The following CPB2 variants were observed in gnomAD, a reference collection of about 807,000 sequenced individuals.
The protein encoded by CPB2 is carboxypeptidase B-like protein.
In CPB2, 54 loss-of-function variants were observed where a neutral mutation model predicts 57.0. The observed-to-expected ratio is 0.95, with a 90% CI of 0.76 to 1.19. The LOEUF is 1.19. CPB2 is among the 50% of genes most tolerant of loss of function. The probability of loss-of-function intolerance (pLI) is 0.00; values close to 1 mark genes in which losing one functional copy is unlikely to be tolerated. For synonymous variants in CPB2, 189 were observed against 178.1 expected (o/e 1.06, Z -0.49); for missense variants, 426 against 512.0 (o/e 0.83, Z 1.62).
chr13:46,089,151 T>TTC (rs1057443701), intron 1 of CPB2, among the ~76,000 whole-genome samples: 20 of 69,580 alleles, frequency 2.9e-4, no homozygotes, highest in African/African-American at 8.2e-4. Flanking sequence ...AATAGACTTC[T>TTC]TTTTTTTTCT....
chr13:46,092,728 C>T (rs1473323801), intron 1 of CPB2, among the ~76,000 whole-genome samples: 1 of 152,006 alleles, frequency 6.6e-6, no homozygotes, highest in Non-Finnish European at 1.5e-5. Flanking sequence ...GTGTTTAAAG[C>T]AAGAGAAGAA....
intron 8 of CPB2, among the ~76,000 whole-genome samples, chr13:46,058,700 A>G (rs1312187617): frequency 6.6e-6 from 1 of 152,004 alleles, no homozygotes; most frequent in East Asian, 1.9e-4. Flanking sequence ...AATAAACCCC[A>G]CTTTCCTTAA....
At chr13:46,076,228 G>A (rs17844220) in intron 5 of CPB2, among the ~76,000 whole-genome samples, 226 of 152,174 alleles carry the variant, frequency 1.5e-3, no homozygotes, top group African/African-American at 5.2e-3. Context: ...TAGATGACAC[G>A]ATCTTATATT....
chr13:46,082,780 C>T (rs2897028), intron 3 of CPB2, among the ~76,000 whole-genome samples: 119,833 of 152,112 alleles, frequency 0.79, 47,548 homozygotes, highest in African/African-American at 0.88. Context: ...ATTAGGTATA[C>T]TTTCAGGACC....
intron 2 of CPB2, among the ~76,000 whole-genome samples, chr13:46,084,937 G>A (rs2045178676): frequency 6.6e-6 from 1 of 151,288 alleles, no homozygotes; most frequent in African/African-American, 2.4e-5. Context: ...TGCAAGCTCT[G>A]CCTCCCGAGT....
At chr13:46,081,292 T>C (rs1232936252) in intron 4 of CPB2, among the ~76,000 whole-genome samples, 2 of 152,214 alleles carry the variant, frequency 1.3e-5, no homozygotes, top group East Asian at 3.8e-4. Flanking sequence ...TTTTAACAAA[T>C]ATTTAAAAAT....
chr13:46,079,862 T>G lies in CPB2; in HGVS notation c.385-961A>C, dbSNP rs1593902118. 2.0e-5 allele frequency among the ~76,000 whole-genome samples: 3 copies of G among 152,232 alleles called. No homozygotes were observed. The East Asian group carries it at 5.8e-4, about 29-fold the overall frequency. ...AACCAGCATGAGTGGTAGGTGTGAG[T>G]GGTTGTCCCCATGCTGAGAATTAAG... On this transcript the variant is annotated intron_variant, in intron 4 of 10. Transcript: ENST00000181383.
intron 1 of CPB2, among the ~76,000 whole-genome samples, chr13:46,092,808 C>A (rs1340908324): frequency 6.6e-6 from 1 of 152,056 alleles, no homozygotes; most frequent in Non-Finnish European, 1.5e-5. Flanking sequence ...TGAATGCATG[C>A]TGAGAAATTT....
At position 46,078,740 on chromosome 13, in the gene CPB2, G is replaced by T; in HGVS notation, c.486+60C>A. Reference sequence around the variant, plus strand: ...AACAAACTCAAGTTTTAACAAACACGACTGGAGAATTAATCCCTCCCCTCA... The same window carrying T: ...AACAAACTCAAGTTTTAACAAACACTACTGGAGAATTAATCCCTCCCCTCA... On this transcript the variant is annotated intron_variant, in intron 5 of 10. Coordinates refer to ENST00000181383, the MANE Select transcript of CPB2 (RefSeq NM_001872.5). 3 of 1,102,094 alleles carry T rather than the reference G, an allele frequency of 2.7e-6. No individual in the cohort carries two copies. In the South Asian group the frequency reaches 3.8e-5, roughly 14 times the overall value. The allele number at this position is 1,102,094 out of a possible 1,614,324, so 68.3% of individuals were successfully genotyped here. A position where few individuals can be genotyped will look rare whatever the true frequency, so the allele number is the denominator to read the frequency against.
chr13:46,080,631 G>A (rs989409404), intron 4 of CPB2, among the ~76,000 whole-genome samples: 2 of 152,128 alleles, frequency 1.3e-5, no homozygotes, highest in African/African-American at 4.8e-5. Flanking sequence ...ATGAAGAGGA[G>A]ATTAAGATAT....
At chr13:46,076,605 C>G (rs1374815470) in intron 5 of CPB2, among the ~76,000 whole-genome samples, 1 of 152,090 alleles carries the variant, frequency 6.6e-6, no homozygotes, top group Non-Finnish European at 1.5e-5. Context: ...TATCAATATA[C>G]TCTTCATAGA....
At chr13:46,059,120 C>G (rs532300917) in intron 8 of CPB2, among the ~76,000 whole-genome samples, 2 of 152,332 alleles carry the variant, frequency 1.3e-5, no homozygotes, top group South Asian at 4.1e-4. Context: ...GAAATCAATA[C>G]TAAGAGTCTA....
At chr13:46,082,272 G>C (rs2045129822) in intron 4 of CPB2, among the ~76,000 whole-genome samples, 169 bp downstream of exon 4, 1 of 152,104 alleles carries the variant, frequency 6.6e-6, no homozygotes, top group Admixed American at 6.5e-5. Context: ...TCTTCTCAGG[G>C]AAGATATCTA....
intron 2 of CPB2, among the ~76,000 whole-genome samples, chr13:46,086,841 C>T (rs1205868353): frequency 1.3e-5 from 2 of 152,206 alleles, no homozygotes; most frequent in African/African-American, 2.4e-5. Flanking sequence ...CCAGAGGGGG[C>T]TGAGGCAGCA....
intron 8 of CPB2, among the ~76,000 whole-genome samples, chr13:46,061,533 C>T (rs1454770482): frequency 6.6e-6 from 1 of 152,138 alleles, no homozygotes; most frequent in African/African-American, 2.4e-5. Flanking sequence ...TAAAGAGAGA[C>T]ACCAGGGAGG....
At chr13:46,068,726 G>T (rs1430457027) in intron 6 of CPB2, among the ~76,000 whole-genome samples, 1 of 145,770 alleles carries the variant, frequency 6.9e-6, no homozygotes, top group East Asian at 2.2e-4. Flanking sequence ...GGTGTGTGAT[G>T]TTCCCCTCCC....
intron 1 of CPB2, chr13:46,094,919 C>T (rs1041409385): frequency 3.3e-5 from 5 of 152,134 alleles, no homozygotes; most frequent in African/African-American, 1.2e-4. Flanking sequence ...CAAGGAAAGA[C>T]CCTGCAACTG....
chr13:46,057,673 A>T (rs991869487), intron 9 of CPB2, among the ~76,000 whole-genome samples: 2 of 152,220 alleles, frequency 1.3e-5, no homozygotes, highest in Non-Finnish European at 2.9e-5. Flanking sequence ...TCCAAAAAAC[A>T]GACTCTCTCC....
chr13:46,103,796 A>G (rs944360163), intron 1 of CPB2, among the ~76,000 whole-genome samples: 6 of 152,180 alleles, frequency 3.9e-5, no homozygotes, highest in African/African-American at 1.4e-4. Flanking sequence ...GCCAATTATC[A>G]AGTTATGGAA....
Sources: gnomAD v4.1 joint callset for allele counts (sites outside exome capture counted in the v4.1 genomes callset) on GRCh38, gnomAD v4.1.1 for gene constraint, MANE v1.5 for transcripts, NCBI Gene and HGNC (gene_info 2026-07-23, HGNC 2026-07-21) for gene names.